The following RNF216 variants were observed in gnomAD, a reference collection of about 807,000 sequenced individuals.
The protein encoded by RNF216 is E3 ubiquitin-protein ligase RNF216.
Under a neutral mutation model 110.8 loss-of-function variants are expected in RNF216, and 72 were observed. The ratio of observed to expected loss-of-function variants is 0.65; its 90% CI spans 0.54 to 0.79. The LOEUF is 0.79. RNF216 is among the 30% of genes least tolerant of loss of function. The pLI, the probability that RNF216 is intolerant of heterozygous loss-of-function variation, is 0.00. For missense variants in RNF216, 1,342 were observed against 1,141.2 expected (o/e 1.18, Z -2.54); for synonymous variants, 495 against 407.5 (o/e 1.21, Z -2.59).
At position 5,715,132 on chromosome 7, in the gene RNF216, G is replaced by C. The variant is rs144654379; in HGVS notation, c.1754C>G (p.Thr585Arg). 2 of 1,613,734 alleles carry C rather than the reference G, an allele frequency of 1.2e-6. No individual in the cohort carries two copies. Among genetic ancestry groups the C allele is most frequent in the Non-Finnish European group, 1.7e-6 (2 of 1,179,892 alleles). The part of the protein sequence containing the change: ...CYGEFPFEEL[T>R]QCADAHLFCK... ...GAACAAGTGAGCATCTGCGCACTGC[G>C]TCAGCTCCTCGAATGGAAATTCCCC... Residue 585 changes from threonine (T) to arginine (R), a missense_variant, in exon 11 of 17, where the codon ACG becomes AGG. Thr to Arg is a moderately conservative substitution (Grantham distance 71). Coordinates refer to ENST00000389902, the MANE Select transcript of RNF216 (RefSeq NM_207111.4).
chr7:5,768,283 G>A (rs1176490036), intron 1 of RNF216, among the ~76,000 whole-genome samples: 4 of 111,454 alleles, frequency 3.6e-5, no homozygotes, highest in East Asian at 4.7e-4. Context: ...AGATCTTGTC[G>A]CTATTAGGGG....
chr7:5,769,439 G>A (rs13244423), intron 1 of RNF216, among the ~76,000 whole-genome samples: 1 of 149,468 alleles, frequency 6.7e-6, no homozygotes, highest in Non-Finnish European at 1.5e-5. Flanking sequence ...TTTAAACAAA[G>A]AGGCTGGGCG....
chr7:5,747,260 C>T (rs1795075617), intron 3 of RNF216, among the ~76,000 whole-genome samples: 1 of 152,210 alleles, frequency 6.6e-6, no homozygotes, highest in Non-Finnish European at 1.5e-5. Flanking sequence ...GACTTTCAGA[C>T]ATTTTTTAAA....
Position 5,721,183 on chromosome 7 carries a change from T to C in RNF216, c.1505-11A>G, listed in dbSNP as rs767322553. ...CTATTTTTATGTCACCTAGAAGATA[T>C]ACGACAATGCAAAAGCATGCAGACA... On this transcript the variant is annotated splice_polypyrimidine_tract_variant and intron_variant, in intron 8 of 16. Coordinates refer to ENST00000389902, the MANE Select transcript of RNF216 (RefSeq NM_207111.4). 6 of 1,613,096 alleles carry C rather than the reference T, an allele frequency of 3.7e-6. No homozygotes were observed. Among genetic ancestry groups the C allele is most frequent in the Non-Finnish European group, 4.2e-6 (5 of 1,179,566 alleles).
chr7:5,736,594 T>C (rs183852786), intron 5 of RNF216, among the ~76,000 whole-genome samples: 6,488 of 149,618 alleles, frequency 0.043, 173 homozygotes, highest in Middle Eastern at 0.07. Flanking sequence ...GTCTGGGATA[T>C]GAGGAGCCCC....
At chr7:5,657,762 G>A (rs1327092009) in intron 13 of RNF216, among the ~76,000 whole-genome samples, 1 of 152,064 alleles carries the variant, frequency 6.6e-6, no homozygotes, top group Non-Finnish European at 1.5e-5. Context: ...CATACAGAAG[G>A]CCAGAAAGAC....
At chr7:5,683,267 A>T (rs1345132933) in intron 13 of RNF216, among the ~76,000 whole-genome samples, 1 of 152,162 alleles carries the variant, frequency 6.6e-6, no homozygotes, top group Non-Finnish European at 1.5e-5. Flanking sequence ...TTCATTAAAA[A>T]AAAAGGGGAA....
chr7:5,640,183 C>T (rs1787651620), intron 15 of RNF216, among the ~76,000 whole-genome samples: 1 of 152,014 alleles, frequency 6.6e-6, no homozygotes, highest in Non-Finnish European at 1.5e-5. Flanking sequence ...CAGGCGTGAG[C>T]TACTGTGCCT....
chr7:5,708,081 T>C (rs976716530), intron 13 of RNF216, among the ~76,000 whole-genome samples: 1 of 152,216 alleles, frequency 6.6e-6, no homozygotes, highest in Non-Finnish European at 1.5e-5. Context: ...GATTTCTAAG[T>C]GTATCGCCTT....
chr7:5,778,727 C>A (rs952276746), intron 1 of RNF216, among the ~76,000 whole-genome samples: 2 of 149,700 alleles, frequency 1.3e-5, no homozygotes, highest in Non-Finnish European at 3.0e-5. Flanking sequence ...TTTTTCAGCA[C>A]CTCAGTTTCT....
intron 13 of RNF216, among the ~76,000 whole-genome samples, chr7:5,693,395 G>A (rs570708954): frequency 6.6e-6 from 1 of 152,290 alleles, no homozygotes; most frequent in East Asian, 1.9e-4. Context: ...TGACCCCCCG[G>A]TATGGACCTC....
chr7:5,669,356 T>G (rs1173265086), intron 13 of RNF216, among the ~76,000 whole-genome samples: 1 of 152,152 alleles, frequency 6.6e-6, no homozygotes, highest in African/African-American at 2.4e-5. Context: ...TCTTTGCCAC[T>G]GGCAATCACA....
intron 15 of RNF216, among the ~76,000 whole-genome samples, chr7:5,639,933 G>T (rs1366945224): frequency 1.3e-5 from 2 of 150,864 alleles, no homozygotes; most frequent in East Asian, 3.9e-4. Context: ...CTAATTTTTT[G>T]TATTTTTAGT....
At chr7:5,730,258 C>T (rs1020251261) in intron 6 of RNF216, among the ~76,000 whole-genome samples, 17 of 151,772 alleles carry the variant, frequency 1.1e-4, no homozygotes, top group African/African-American at 4.1e-4. Flanking sequence ...TGCTGATGGA[C>T]AGACAGAGGA....
chr7:5,765,357 G>A (rs908439967), intron 1 of RNF216, among the ~76,000 whole-genome samples: 1 of 151,854 alleles, frequency 6.6e-6, no homozygotes, highest in African/African-American at 2.4e-5. Context: ...CCAGCTACTT[G>A]GGAGGCTGAG....
At chr7:5,739,423 T>C (rs2128651511) in intron 4 of RNF216, 71 bp from the exon 5 acceptor site, 2 of 1,430,408 alleles carry the variant, frequency 1.4e-6, no homozygotes, top group Non-Finnish European at 1.9e-6. Context: ...ACAAGACAGA[T>C]GGCAAAAAGT....
chr7:5,643,243 G>A (rs961042637), intron 14 of RNF216, among the ~76,000 whole-genome samples: 20 of 152,192 alleles, frequency 1.3e-4, no homozygotes, highest in Admixed American at 5.2e-4. Flanking sequence ...ATTTGTAAGA[G>A]TAGTACTGGA....
At chr7:5,718,894 A>C (rs766004440) in intron 9 of RNF216, among the ~76,000 whole-genome samples, 6 of 152,146 alleles carry the variant, frequency 3.9e-5, no homozygotes, top group Non-Finnish European at 8.8e-5. Context: ...CCTGGCCTCA[A>C]GTGATTGCCT....
intron 13 of RNF216, among the ~76,000 whole-genome samples, chr7:5,673,194 C>T (rs1303867889): frequency 2.0e-5 from 3 of 152,188 alleles, no homozygotes; most frequent in Admixed American, 6.5e-5. Context: ...CCACCCCAAG[C>T]GGGGGAAGTC....
Sources: gnomAD v4.1 joint callset for allele counts (sites outside exome capture counted in the v4.1 genomes callset) on GRCh38, gnomAD v4.1.1 for gene constraint, MANE v1.5 for transcripts, NCBI Gene and HGNC (gene_info 2026-07-23, HGNC 2026-07-21) for gene names.